Variants in NUP98 observed in about 807,000 individuals in gnomAD.
The protein encoded by NUP98 is nucleoporin 98 and 96 precursor.
A neutral mutation model predicts 191.9 loss-of-function variants in NUP98; 26 were observed. The observed-to-expected ratio is 0.14, with a 90% CI of 0.10 to 0.19. The LOEUF (loss-of-function observed/expected upper bound fraction) is 0.19, where lower values mean the gene tolerates loss of function less well. Ranked by LOEUF, NUP98 falls within the 10% of genes least tolerant of loss-of-function variation. The pLI is 1.00. For synonymous variants in NUP98, 808 were observed against 778.4 expected (o/e 1.04, Z -0.63); for missense variants, 1,941 against 2,178.8 (o/e 0.89, Z 2.17).
rs555866249 is a variant in NUP98 at position 3,739,205 on chromosome 11, A to G, written c.1409-3881T>C. On this transcript the variant is annotated intron_variant, in intron 12 of 32. Transcript: ENST00000324932. ...ATGGCATATTACAATAATTTATGCT[A>G]CCACCTTCTACTAAAACCAATAAAA... 2.0e-5 allele frequency among the ~76,000 whole-genome samples: 3 copies of G among 152,340 alleles called. No homozygotes were observed. The South Asian group carries it at 6.2e-4, about 32-fold the overall frequency.
Position 3,690,408 on chromosome 11 carries a change from C to G in NUP98, c.4454+939G>C, listed in dbSNP as rs565476322. Among the ~76,000 whole-genome samples, 472 of 152,192 alleles carry G rather than the reference C, an allele frequency of 3.1e-3. 4 individuals are homozygous for G. Among genetic ancestry groups the G allele is most frequent in the African/African-American group, 0.011 (458 of 41,510 alleles). On this transcript the variant is annotated intron_variant, in intron 28 of 32. Transcript: ENST00000324932. ...CTGAGTAGCTGGGACTACGGGCGCC[C>G]GCCACCACGTCCAGATAATTTTTTT...
chr11:3,711,741 A>T, intron 20 of NUP98: 1 of 536,532 alleles, frequency 1.9e-6, no homozygotes, highest in Non-Finnish European at 2.5e-6. Flanking sequence ...AAGATTATAA[A>T]CATAAAAGTC....
At chr11:3,764,897 T>C (rs1175441799) in intron 8 of NUP98, among the ~76,000 whole-genome samples, 3 of 152,130 alleles carry the variant, frequency 2.0e-5, no homozygotes, top group African/African-American at 7.2e-5. Context: ...TTTTTTATTG[T>C]ATCTTTCAAA....
chr11:3,774,844 A>G (rs550133439), intron 5 of NUP98, among the ~76,000 whole-genome samples: 1 of 152,210 alleles, frequency 6.6e-6, no homozygotes, highest in African/African-American at 2.4e-5. Flanking sequence ...GGCATCACAC[A>G]GTATTCTTCA....
chr11:3,693,876 G>A, intron 26 of NUP98, among the ~76,000 whole-genome samples: 1 of 152,158 alleles, frequency 6.6e-6, no homozygotes, highest in East Asian at 1.9e-4. Context: ...AGTGATAAGA[G>A]AAATGGCTTA....
At chr11:3,712,241 G>C (rs1564831804) in intron 20 of NUP98, 19 of 1,119,856 alleles carry the variant, frequency 1.7e-5, no homozygotes, top group Non-Finnish European at 1.1e-6. Context: ...AATTTACTGT[G>C]CATGAACCCA....
At chr11:3,796,253 T>C (rs982608674) in intron 1 of NUP98, among the ~76,000 whole-genome samples, 1 of 152,226 alleles carries the variant, frequency 6.6e-6, no homozygotes, top group African/African-American at 2.4e-5. Context: ...AAAGGAGCCA[T>C]GAGTTCCGAG....
chr11:3,792,717 G>A (rs145893376), intron 1 of NUP98, among the ~76,000 whole-genome samples: 1 of 152,128 alleles, frequency 6.6e-6, no homozygotes, highest in Non-Finnish European at 1.5e-5. Context: ...TAAAATCACA[G>A]AAGTGTAAAG....
At chr11:3,707,343 C>A (rs990802767) in intron 20 of NUP98, among the ~76,000 whole-genome samples, 1 of 152,106 alleles carries the variant, frequency 6.6e-6, no homozygotes, top group Non-Finnish European at 1.5e-5. Context: ...AAAGGGTAAA[C>A]ACTCAAAGCT....
intron 20 of NUP98, chr11:3,711,912 C>T (rs1240117533): frequency 2.2e-5 from 23 of 1,038,884 alleles, no homozygotes; most frequent in Non-Finnish European, 2.6e-5. Context: ...ATGGAAAATA[C>T]CAAAGGTCTA....
intron 26 of NUP98, among the ~76,000 whole-genome samples, chr11:3,694,382 A>G (rs2078431119): frequency 6.6e-6 from 1 of 151,642 alleles, no homozygotes. Flanking sequence ...AAAAACAACA[A>G]CAACAACAAA....
At chr11:3,692,906 T>G (rs567957395) in intron 27 of NUP98, among the ~76,000 whole-genome samples, 1 of 152,098 alleles carries the variant, frequency 6.6e-6, no homozygotes, top group Non-Finnish European at 1.5e-5. Flanking sequence ...ATATAAAATA[T>G]TATATTTAGA....
At chr11:3,772,001 G>A in intron 6 of NUP98, 73 bp from the exon 7 acceptor site, 1 of 1,271,262 alleles carries the variant, frequency 7.9e-7, no homozygotes, top group Non-Finnish European at 1.1e-6. Flanking sequence ...CTAAATACTT[G>A]AATTTAGTAT....
At chr11:3,767,006 C>T (rs898525326) in intron 8 of NUP98, among the ~76,000 whole-genome samples, 3 of 152,160 alleles carry the variant, frequency 2.0e-5, no homozygotes, top group Non-Finnish European at 4.4e-5. Context: ...GCTCTGTCAC[C>T]TAGGCTGGAG....
intron 18 of NUP98, among the ~76,000 whole-genome samples, chr11:3,717,711 G>T (rs1373187498): frequency 1.3e-5 from 2 of 152,100 alleles, no homozygotes; most frequent in Non-Finnish European, 2.9e-5. Flanking sequence ...AGTATATTTG[G>T]GAAAAGTGGC....
intron 16 of NUP98, among the ~76,000 whole-genome samples, chr11:3,721,318 C>T (rs978692344): frequency 8.5e-5 from 13 of 152,124 alleles, no homozygotes; most frequent in Admixed American, 2.0e-4. Context: ...AAACTCCAAA[C>T]CCAATTCTTC....
At chr11:3,785,131 C>T (rs1028254753) in intron 1 of NUP98, among the ~76,000 whole-genome samples, 9 of 151,076 alleles carry the variant, frequency 6.0e-5, no homozygotes, top group African/African-American at 1.9e-4. Context: ...CAGCGAGACT[C>T]TGTCTCAAAA....
intron 28 of NUP98, among the ~76,000 whole-genome samples, chr11:3,688,180 G>A (rs1443369833): frequency 2.0e-5 from 3 of 152,056 alleles, no homozygotes; most frequent in Non-Finnish European, 2.9e-5. Context: ...TGAGGTGAGC[G>A]GATCACGAGG....
In NUP98 at chr11:3,796,432, C is replaced by G. The variant is rs140638464; in HGVS notation, c.-29+968G>C. Among the ~76,000 whole-genome samples the G allele has an allele frequency of 3.4e-3, 524 of 152,278 alleles. 4 individuals carry two copies. Among genetic ancestry groups the G allele is most frequent in the African/African-American group, 0.012 (494 of 41,552 alleles). ...GGGAAACAATGGCTTGTAGTTTTAC[C>G]GATTTGTTTCCGATACATAACAACG... On this transcript the variant is annotated intron_variant, in intron 1 of 32. Coordinates refer to ENST00000324932, the MANE Select transcript of NUP98 (RefSeq NM_016320.5).
Sources: gnomAD v4.1 joint callset for allele counts (sites outside exome capture counted in the v4.1 genomes callset) on GRCh38, gnomAD v4.1.1 for gene constraint, MANE v1.5 for transcripts, NCBI Gene and HGNC (gene_info 2026-07-23, HGNC 2026-07-21) for gene names.